HNMT: variants seen among roughly 807,000 people sequenced by gnomAD.
HNMT encodes histamine N-methyltransferase.
Under a neutral mutation model 32.1 loss-of-function variants are expected in HNMT, and 30 were observed. That is an observed-to-expected ratio of 0.93 (90% CI 0.70 to 1.27). HNMT has a LOEUF of 1.27. Among genes scored for constraint, HNMT ranks in the 50% most tolerant of loss-of-function variants. The probability of loss-of-function intolerance (pLI) is 0.00; values close to 1 mark genes in which losing one functional copy is unlikely to be tolerated. For synonymous variants in HNMT, 125 were observed against 119.0 expected, an observed-to-expected ratio of 1.05 and a Z score of -0.33; for missense variants, 327 against 346.0, an observed-to-expected ratio of 0.95 and a Z score of 0.43.
intron 2 of HNMT, among the ~76,000 whole-genome samples, chr2:137,994,905 C>T (rs1459257426): frequency 3.9e-5 from 6 of 152,144 alleles, no homozygotes; most frequent in Admixed American, 3.9e-4. Context: ...ACAACCTGCT[C>T]CTGAATGACT....
chr2:137,986,109 GT>G (rs1360058709), intron 2 of HNMT, among the ~76,000 whole-genome samples: 38 of 151,968 alleles, frequency 2.5e-4, no homozygotes, highest in African/African-American at 8.7e-4. Context: ...CCAAATTGTT[GT>G]TAATTTGAGT....
chr2:137,983,250 C>T (rs1680557239), intron 2 of HNMT, among the ~76,000 whole-genome samples: 1 of 152,130 alleles, frequency 6.6e-6, no homozygotes, highest in Non-Finnish European at 1.5e-5. Flanking sequence ...ATTTCCTGCT[C>T]TTCTTCTTGG....
chr2:138,012,625 C>T (rs1681541165), intron 5 of HNMT, among the ~76,000 whole-genome samples: 1 of 152,092 alleles, frequency 6.6e-6, no homozygotes, highest in Non-Finnish European at 1.5e-5. Flanking sequence ...CTCATATCAC[C>T]ACCTGAATGT....
At chr2:138,006,898 A>G (rs894258079) in intron 5 of HNMT, among the ~76,000 whole-genome samples, 1 of 152,084 alleles carries the variant, frequency 6.6e-6, no homozygotes, top group Admixed American at 6.6e-5. Flanking sequence ...AAGGGAGTAA[A>G]GACTCAACAA....
chr2:137,983,777 T>A (rs994239362), intron 2 of HNMT, among the ~76,000 whole-genome samples: 4 of 152,202 alleles, frequency 2.6e-5, no homozygotes, highest in African/African-American at 9.6e-5. Flanking sequence ...TGTTTGCAGA[T>A]TCCTCTGGTG....
intron 2 of HNMT, among the ~76,000 whole-genome samples, chr2:137,973,054 G>GA (rs1351503206): frequency 1.3e-5 from 2 of 152,188 alleles, no homozygotes; most frequent in Non-Finnish European, 2.9e-5. Flanking sequence ...ACCTTGGGGA[G>GA]AATGTGGGTG....
intron 2 of HNMT, among the ~76,000 whole-genome samples, chr2:137,984,397 T>A (rs1168468749): frequency 6.6e-6 from 1 of 152,222 alleles, no homozygotes; most frequent in Non-Finnish European, 1.5e-5. Context: ...CTTTCTGATG[T>A]TTTGCAAGTC....
chr2:137,970,786 G>A (rs569678062), intron 2 of HNMT, among the ~76,000 whole-genome samples: 6 of 152,116 alleles, frequency 3.9e-5, no homozygotes, highest in Non-Finnish European at 5.9e-5. Flanking sequence ...CAAGCGTGGT[G>A]GCAGACGCCT....
intron 5 of HNMT, among the ~76,000 whole-genome samples, chr2:138,009,935 A>T (rs575300182): frequency 6.6e-6 from 1 of 152,228 alleles, no homozygotes; most frequent in South Asian, 2.1e-4. Flanking sequence ...AACAGATTGA[A>T]ACATTTCCTA....
intron 1 of HNMT, chr2:137,967,131 C>A: frequency 1.3e-6 from 1 of 779,460 alleles, no homozygotes; most frequent in Non-Finnish European, 2.4e-6. Flanking sequence ...AAAATACTGG[C>A]CAGATGTGTT....
rs200216104 is a variant in HNMT at position 137,970,222 on chromosome 2, G to A, written c.190+5G>A. The stretch of plus-strand genomic sequence containing the variant: ...TAAGCATAGGCGGAGGTGCAGGTAT[G>A]AGTAATATATTTTTAAAGTTCATAT... On this transcript the variant is annotated splice_donor_5th_base_variant and intron_variant, in intron 2 of 5. Coordinates refer to ENST00000280097, the MANE Select transcript of HNMT (RefSeq NM_006895.3). 1.3e-6 allele frequency: 2 copies of A among 1,502,856 alleles called. No individual in the cohort carries two copies. The highest frequency in any genetic ancestry group is 1.7e-4 in the Middle Eastern group (1 of 5,788). The allele number at this position is 1,502,856 out of a possible 1,614,324, so 93.1% of individuals were successfully genotyped here.
intron 2 of HNMT, among the ~76,000 whole-genome samples, chr2:137,976,221 G>A (rs1489183026): frequency 6.6e-6 from 1 of 150,540 alleles, no homozygotes; most frequent in East Asian, 2.0e-4. Flanking sequence ...AGCCGAGATC[G>A]GGCCATTGCA....
intron 2 of HNMT, among the ~76,000 whole-genome samples, chr2:137,985,508 C>T (rs779745477): frequency 3.9e-5 from 6 of 152,186 alleles, no homozygotes; most frequent in Non-Finnish European, 5.9e-5. Flanking sequence ...TGACTTCTCT[C>T]TTTCCTACAT....
At chr2:137,968,633 ATGCTGTCATAGATG>A (rs1277663985) in intron 1 of HNMT, among the ~76,000 whole-genome samples, 1 of 152,246 alleles carries the variant, frequency 6.6e-6, no homozygotes, top group Non-Finnish European at 1.5e-5. Flanking sequence ...TAGCCTCCCT[ATGCTGTCATAGATG>A]TAAGCATTTT....
intron 2 of HNMT, among the ~76,000 whole-genome samples, chr2:137,997,694 A>G (rs1370929785): frequency 6.6e-6 from 1 of 152,236 alleles, no homozygotes; most frequent in Non-Finnish European, 1.5e-5. Context: ...AAGGAATATA[A>G]ATCATTCTAC....
At chr2:137,983,557 C>T (rs759124741) in intron 2 of HNMT, among the ~76,000 whole-genome samples, 5 of 152,022 alleles carry the variant, frequency 3.3e-5, no homozygotes, top group African/African-American at 4.8e-5. Context: ...GAAACAAACA[C>T]GTTTATTAAC....
chr2:137,981,830 G>A (rs1558956319), intron 2 of HNMT, among the ~76,000 whole-genome samples: 1 of 152,022 alleles, frequency 6.6e-6, no homozygotes, highest in African/African-American at 2.4e-5. Context: ...GCGTTCTTTT[G>A]TCTCTCTACA....
chr2:137,991,347 G>A (rs572364592), intron 2 of HNMT, among the ~76,000 whole-genome samples: 69 of 152,330 alleles, frequency 4.5e-4, no homozygotes, highest in African/African-American at 1.5e-3. Context: ...AATGCTGATA[G>A]GCTGAGTGGG....
At chr2:137,970,095 A>T in intron 1 of HNMT, 70 bp from the exon 2 acceptor site, 1 of 795,466 alleles carries the variant, frequency 1.3e-6, no homozygotes, top group South Asian at 1.7e-5. Context: ...CTCTTCAACT[A>T]GACTAGATAA....
Sources: allele counts gnomAD v4.1 joint callset (sites outside exome capture counted in the v4.1 genomes callset), GRCh38; gene constraint gnomAD v4.1.1; transcripts MANE v1.5; gene names NCBI Gene and HGNC (gene_info 2026-07-23, HGNC 2026-07-21).